The following DNAJC16 variants were observed in gnomAD, a reference collection of about 807,000 sequenced individuals.
The protein encoded by DNAJC16 is dnaJ homolog subfamily C member 16.
Under a neutral mutation model 92.7 loss-of-function variants are expected in DNAJC16, and 76 were observed. That is an observed-to-expected ratio of 0.82 (90% CI 0.68 to 0.99). DNAJC16 has a LOEUF of 0.99. Among genes scored for constraint, DNAJC16 ranks in the 50% least tolerant of loss-of-function variants. DNAJC16 has a pLI of 0.00. For missense variants in DNAJC16, 869 were observed against 942.4 expected (o/e 0.92, Z 1.02); for synonymous variants, 328 against 358.7 (o/e 0.91, Z 0.97).
chr1:15,528,157 G>T (rs1162446571), intron 1 of DNAJC16, among the ~76,000 whole-genome samples: 1 of 152,190 alleles, frequency 6.6e-6, no homozygotes, highest in Non-Finnish European at 1.5e-5. Flanking sequence ...ATATTGGCCG[G>T]CGCGATGGCT....
In DNAJC16 at chr1:15,568,833, A is replaced by G. The variant is rs1391909666; in HGVS notation, c.*656A>G. The stretch of plus-strand genomic sequence containing the variant: ...GCATGTGAGTTCTCAAGAAAAGGAA[A>G]GGGAGGCTGAGCAGTGGCTGAAGCG... On this transcript the variant is annotated 3_prime_UTR_variant, in exon 15 of 15. Coordinates refer to ENST00000375847, the MANE Select transcript of DNAJC16 (RefSeq NM_015291.4). 10 of 397,566 alleles carry G rather than the reference A, an allele frequency of 2.5e-5. No individual in the cohort carries two copies. The highest frequency in any genetic ancestry group is 4.0e-5 in the Non-Finnish European group (9 of 225,728). 24.6% of individuals were successfully genotyped at this position (397,566 alleles called of 1,614,324 possible).
At chr1:15,558,465 G>A (rs1426041023) in intron 7 of DNAJC16, among the ~76,000 whole-genome samples, 1 of 152,000 alleles carries the variant, frequency 6.6e-6, no homozygotes, top group African/African-American at 2.4e-5. Context: ...GGGATTATAG[G>A]AGTGAGCCAC....
intron 2 of DNAJC16, among the ~76,000 whole-genome samples, chr1:15,532,472 G>A (rs1332917074): frequency 6.6e-6 from 1 of 151,946 alleles, no homozygotes; most frequent in Non-Finnish European, 1.5e-5. Flanking sequence ...AAAGTGCTGT[G>A]GTTTCCTCCC....
chr1:15,562,011 A>G, intron 8 of DNAJC16, 131 bp from the exon 9 acceptor site: 1 of 784,584 alleles, frequency 1.3e-6, no homozygotes, highest in Middle Eastern at 3.4e-4. Context: ...TTGAAATGTC[A>G]GCTTTCACTG....
At chr1:15,548,012 A>T (rs1233344202) in intron 6 of DNAJC16, among the ~76,000 whole-genome samples, 2 of 152,114 alleles carry the variant, frequency 1.3e-5, no homozygotes, top group Non-Finnish European at 2.9e-5. Context: ...ATGCCTCCTG[A>T]CCAGTACAGA....
At chr1:15,553,123 T>C (rs966363386) in intron 7 of DNAJC16, among the ~76,000 whole-genome samples, 34 of 151,990 alleles carry the variant, frequency 2.2e-4, no homozygotes, top group African/African-American at 8.2e-4. Flanking sequence ...TTTCTGTAAT[T>C]GATTTGTAGG....
At chr1:15,527,041 C>T (rs1033902467) in intron 1 of DNAJC16, 83 bp downstream of exon 1, 2 of 152,220 alleles carry the variant, frequency 1.3e-5, no homozygotes, top group African/African-American at 4.8e-5. Flanking sequence ...AGTTCCTTCT[C>T]GTTTCCAGTC....
At chr1:15,538,319 C>T (rs559605819) in intron 4 of DNAJC16, among the ~76,000 whole-genome samples, 1 of 151,880 alleles carries the variant, frequency 6.6e-6, no homozygotes, top group Non-Finnish European at 1.5e-5. Context: ...CGCTTGAACC[C>T]GGGAAGCAGA....
At chr1:15,560,450 G>A (rs1459531967) in intron 8 of DNAJC16, 1 of 152,178 alleles carries the variant, frequency 6.6e-6, no homozygotes, top group African/African-American at 2.4e-5. Context: ...ATTCAATAAA[G>A]TAGGAAGAGT....
In DNAJC16 at chr1:15,559,535, A is replaced by G. The variant is rs761717982; in HGVS notation, c.1033A>G (p.Met345Val). ...CTTGGTTTTTCTCTAGGCCCGAGGT[A>G]TGAAGAAGCAAATCATTGACGACTT... ...RPADVIQARG[M>V]KKQIIDDFIT... Residue 345 changes from methionine to valine, a missense_variant, in exon 8 of 15, where the codon ATG becomes GTG. Met to Val is a conservative substitution (Grantham distance 21). Transcript: ENST00000375847. 1.9e-6 allele frequency: 3 copies of G among 1,614,014 alleles called. No individual in the cohort carries two copies. Among genetic ancestry groups the G allele is most frequent in the Non-Finnish European group, 1.7e-6 (2 of 1,180,000 alleles).
intron 14 of DNAJC16, 113 bp downstream of exon 14, chr1:15,567,382 ATGCTGGCTGTGACCT>A (rs1284277540): frequency 8.8e-6 from 10 of 1,132,160 alleles, no homozygotes; most frequent in Admixed American, 8.8e-5. Context: ...ATACAGCAAG[ATGCTGGCTGTGACCT>A]TTCCAATCCA....
At chr1:15,551,058 T>C (rs1638431832) in intron 7 of DNAJC16, among the ~76,000 whole-genome samples, 1 of 152,138 alleles carries the variant, frequency 6.6e-6, no homozygotes, top group Non-Finnish European at 1.5e-5. Flanking sequence ...TTAGTAGAGA[T>C]GGGGTTTCAC....
rs763861542 is a variant in DNAJC16, at chr1:15,565,901, T to C, written c.1599-18T>C. 5 of 1,609,050 alleles carry C rather than the reference T, an allele frequency of 3.1e-6. No individual in the cohort carries two copies. The highest frequency in any genetic ancestry group is 1.1e-5 in the South Asian group (1 of 90,404). Reference sequence around the variant, plus strand: ...AGAAATTTTAACTTGAGCTAATAGTTTGTTAATTTGGTTTTAGGAGGGAAA... The same window carrying C: ...AGAAATTTTAACTTGAGCTAATAGTCTGTTAATTTGGTTTTAGGAGGGAAA... On this transcript the variant is annotated intron_variant, in intron 11 of 14. Transcript: ENST00000375847.
intron 4 of DNAJC16, among the ~76,000 whole-genome samples, chr1:15,538,397 G>A (rs112369981): frequency 0.012 from 1,726 of 149,284 alleles, 38 homozygotes; most frequent in African/African-American, 0.039. Context: ...TCTGTCTCAA[G>A]AAAAAAAAAT....
At chr1:15,555,002 G>T (rs1275856044) in intron 7 of DNAJC16, among the ~76,000 whole-genome samples, 1 of 149,604 alleles carries the variant, frequency 6.7e-6, no homozygotes, top group Admixed American at 6.7e-5. Context: ...CTTATTTCTA[G>T]GTGCCTCCTA....
intron 6 of DNAJC16, among the ~76,000 whole-genome samples, chr1:15,547,315 C>T (rs111483261): frequency 0.011 from 1,743 of 151,686 alleles, 40 homozygotes; most frequent in African/African-American, 0.039. Flanking sequence ...GCCCAGCTAA[C>T]GTTTCTATTT....
chr1:15,534,343 C>A (rs371170504), intron 3 of DNAJC16, 40 bp downstream of exon 3: 3 of 1,599,800 alleles, frequency 1.9e-6, no homozygotes, highest in East Asian at 2.2e-5. Flanking sequence ...TTAGCTCTTA[C>A]AAAATATGCC....
In DNAJC16 at chr1:15,568,663, G is replaced by A. The variant is rs1035423891; in HGVS notation, c.*486G>A. 12 of 399,000 alleles carry A rather than the reference G, an allele frequency of 3.0e-5. No homozygotes were observed. In the South Asian group the frequency reaches 3.8e-4, roughly 13 times the overall value. 24.7% of individuals were successfully genotyped at this position (399,000 alleles called of 1,614,324 possible). A position where few individuals can be genotyped will look rare whatever the true frequency, so the allele number is the denominator to read the frequency against. On this transcript the variant is annotated 3_prime_UTR_variant, in exon 15 of 15. Transcript: ENST00000375847. ...ACAACCCACGGCAGCTTCTAGCCCCGCATCTGGAAAAAGGCCCCTTTCCAA... is the reference window on the plus strand; with the variant it reads ...ACAACCCACGGCAGCTTCTAGCCCCACATCTGGAAAAAGGCCCCTTTCCAA...
chr1:15,568,491 T>C lies in DNAJC16; in HGVS notation c.*314T>C. The C allele has an allele frequency of 4.3e-6, 2 of 470,316 alleles. No homozygotes were observed. Among genetic ancestry groups the C allele is most frequent in the Non-Finnish European group, 7.4e-6 (2 of 268,592 alleles). The allele number at this position is 470,316 out of a possible 1,614,324, so 29.1% of individuals were successfully genotyped here. ...GTCCCATGCTCACCCCACCCTCCTG[T>C]CCTGTGTCTTGGAGAAGCACAGGGC... On this transcript the variant is annotated 3_prime_UTR_variant, in exon 15 of 15. Coordinates refer to ENST00000375847, the MANE Select transcript of DNAJC16 (RefSeq NM_015291.4).
Sources: gnomAD v4.1 joint callset for allele counts (sites outside exome capture counted in the v4.1 genomes callset) on GRCh38, gnomAD v4.1.1 for gene constraint, MANE v1.5 for transcripts, NCBI Gene and HGNC (gene_info 2026-07-23, HGNC 2026-07-21) for gene names.